The following CNTN5 variants were observed in gnomAD, a reference collection of about 807,000 sequenced individuals.
CNTN5 encodes contactin 5.
CNTN5 carries 77 observed loss-of-function variants against 129.1 expected under a neutral mutation model. The ratio of observed to expected loss-of-function variants is 0.60; its 90% CI spans 0.50 to 0.72. The LOEUF is 0.72. Ranked by LOEUF, CNTN5 falls within the 30% of genes least tolerant of loss-of-function variation. The pLI, the probability that CNTN5 is intolerant of heterozygous loss-of-function variation, is 0.00. For missense variants in CNTN5, 1,478 were observed against 1,328.8 expected, an observed-to-expected ratio of 1.11 and a Z score of -1.75; for synonymous variants, 509 against 465.6, an observed-to-expected ratio of 1.09 and a Z score of -1.20.
intron 3 of CNTN5, among the ~76,000 whole-genome samples, chr11:99,720,871 G>A (rs1199811924): frequency 6.6e-6 from 1 of 151,978 alleles, no homozygotes; most frequent in East Asian, 1.9e-4. Context: ...CAAACCAAAG[G>A]GCATATCAGA....
intron 2 of CNTN5, among the ~76,000 whole-genome samples, chr11:99,428,879 A>G (rs1353060807): frequency 6.6e-6 from 1 of 152,122 alleles, no homozygotes; most frequent in Non-Finnish European, 1.5e-5. Context: ...TTAAGGTTCA[A>G]TAAATCAGTT....
chr11:100,034,635 G>A (rs1415904886), intron 9 of CNTN5, among the ~76,000 whole-genome samples: 1 of 152,144 alleles, frequency 6.6e-6, no homozygotes, highest in Non-Finnish European at 1.5e-5. Flanking sequence ...AGGTTTAACT[G>A]GAGCACAGCC....
At chr11:99,935,163 A>C (rs1950287661) in intron 7 of CNTN5, among the ~76,000 whole-genome samples, 1 of 151,554 alleles carries the variant, frequency 6.6e-6, no homozygotes, top group Non-Finnish European at 1.5e-5. Context: ...TATTGTTCAG[A>C]TTCTATGAAT....
At chr11:100,125,540 G>T (rs987307463) in intron 13 of CNTN5, among the ~76,000 whole-genome samples, 1 of 151,934 alleles carries the variant, frequency 6.6e-6, no homozygotes, top group Admixed American at 6.6e-5. Context: ...ATATATGTAT[G>T]ACATTTTCCT....
At chr11:99,784,337 C>G (rs1298623003) in intron 3 of CNTN5, among the ~76,000 whole-genome samples, 2 of 151,800 alleles carry the variant, frequency 1.3e-5, no homozygotes, top group African/African-American at 4.8e-5. Flanking sequence ...GTGTGATGTT[C>G]CCCTCCCTGT....
chr11:100,091,424 C>CTTTTTTTTTT (rs60075209), intron 13 of CNTN5, among the ~76,000 whole-genome samples: 1 of 114,442 alleles, frequency 8.7e-6, no homozygotes, highest in Non-Finnish European at 1.7e-5. Context: ...TTTATTTATT[C>CTTTTTTTTTT]TTTTTTTTTT....
At position 99,502,081 on chromosome 11, in the gene CNTN5, T is replaced by G. The variant is rs572336163; in HGVS notation, c.-70-54064T>G. On this transcript the variant is annotated intron_variant, in intron 2 of 24. Coordinates refer to ENST00000524871, the MANE Select transcript of CNTN5 (RefSeq NM_014361.4). ...TATCTAATCTTCGGCCTCATAACAT[T>G]GTATTCCCTCAACACCTCCATTATT... 5.3e-5 allele frequency among the ~76,000 whole-genome samples: 8 copies of G among 152,312 alleles called. No individual in the cohort carries two copies. The South Asian group carries it at 1.7e-3, about 32-fold the overall frequency.
intron 8 of CNTN5, among the ~76,000 whole-genome samples, chr11:99,968,081 A>C (rs1951143792): frequency 6.6e-6 from 1 of 152,184 alleles, no homozygotes; most frequent in Non-Finnish European, 1.5e-5. Flanking sequence ...TTCACCATGT[A>C]CACAACCAGG....
chr11:99,895,597 C>A (rs1390886125), intron 6 of CNTN5, among the ~76,000 whole-genome samples: 3 of 152,168 alleles, frequency 2.0e-5, no homozygotes, highest in Non-Finnish European at 4.4e-5. Flanking sequence ...CATTAACCCA[C>A]CCAGAACTGG....
At chr11:99,359,238 C>T (rs574033196) in intron 2 of CNTN5, among the ~76,000 whole-genome samples, 2 of 152,134 alleles carry the variant, frequency 1.3e-5, no homozygotes, top group East Asian at 1.9e-4. Flanking sequence ...AAACTGTAAA[C>T]GGCAGTACAA....
chr11:100,073,675 A>G (rs1944016906), intron 12 of CNTN5, among the ~76,000 whole-genome samples: 1 of 151,972 alleles, frequency 6.6e-6, no homozygotes, highest in African/African-American at 2.4e-5. Context: ...TTTTTAAACA[A>G]TGTATTATAT....
intron 13 of CNTN5, among the ~76,000 whole-genome samples, chr11:100,083,795 A>G (rs7929129): frequency 0.35 from 53,922 of 151,938 alleles, 9,870 homozygotes; most frequent in South Asian, 0.46. Flanking sequence ...TCAAAATATC[A>G]GTTCCTAATA....
intron 1 of CNTN5, among the ~76,000 whole-genome samples, chr11:99,277,366 A>G (rs528208312): frequency 1.1e-4 from 16 of 151,750 alleles, no homozygotes; most frequent in African/African-American, 3.9e-4. Context: ...GTCTTTATAT[A>G]GTCATTTCCT....
Position 99,301,741 on chromosome 11 carries a change from C to T in CNTN5, c.-209-23605C>T, listed in dbSNP as rs182583277. On this transcript the variant is annotated intron_variant, in intron 1 of 24. Coordinates refer to ENST00000524871, the MANE Select transcript of CNTN5 (RefSeq NM_014361.4). ...ACAATTCTATAAACCAATTAGTCTA[C>T]ACATTTATAGAACATTCTACCCAAT... 2.8e-3 allele frequency among the ~76,000 whole-genome samples: 419 copies of T among 151,732 alleles called. 3 individuals are homozygous for T. Among genetic ancestry groups the T allele is most frequent in the South Asian group, 0.023 (112 of 4,820 alleles).
intron 7 of CNTN5, among the ~76,000 whole-genome samples, chr11:99,923,071 C>A (rs1949976319): frequency 6.6e-6 from 1 of 152,122 alleles, no homozygotes. Context: ...TATTCAGAAA[C>A]AGCCCACAGA....
intron 13 of CNTN5, among the ~76,000 whole-genome samples, chr11:100,102,343 TG>T (rs1945252076): frequency 6.6e-6 from 1 of 152,120 alleles, no homozygotes; most frequent in Non-Finnish European, 1.5e-5. Context: ...TAAAAATATT[TG>T]TTGGCTGTTT....
chr11:99,882,114 G>A (rs1233357584), intron 6 of CNTN5, among the ~76,000 whole-genome samples: 3 of 152,158 alleles, frequency 2.0e-5, no homozygotes, highest in Non-Finnish European at 2.9e-5. Flanking sequence ...GGACTGTGAA[G>A]CTAAAAGGCA....
intron 17 of CNTN5, among the ~76,000 whole-genome samples, chr11:100,260,477 A>T (rs2212446): frequency 6.6e-6 from 1 of 152,090 alleles, no homozygotes; most frequent in Non-Finnish European, 1.5e-5. Flanking sequence ...CCAAAACCTG[A>T]CAGAGGCACA....
At chr11:100,091,327 C>T (rs1206339465) in intron 13 of CNTN5, among the ~76,000 whole-genome samples, 1 of 151,782 alleles carries the variant, frequency 6.6e-6, no homozygotes, top group Non-Finnish European at 1.5e-5. Context: ...AAATTATTAC[C>T]CCTATCCTTG....
Sources: gnomAD v4.1 joint callset for allele counts (sites outside exome capture counted in the v4.1 genomes callset) on GRCh38, gnomAD v4.1.1 for gene constraint, MANE v1.5 for transcripts, NCBI Gene and HGNC (gene_info 2026-07-23, HGNC 2026-07-21) for gene names.